The following NLK variants were observed in gnomAD, a reference collection of about 807,000 sequenced individuals.
NLK encodes the protein serine/threonine-protein kinase NLK.
Under a neutral mutation model 59.0 loss-of-function variants are expected in NLK, and 11 were observed. That is an observed-to-expected ratio of 0.19 (90% CI 0.12 to 0.31). NLK has a LOEUF of 0.31. Among genes scored for constraint, NLK ranks in the 10% least tolerant of loss-of-function variants. NLK has a pLI of 1.00. For synonymous variants in NLK, 235 were observed against 235.9 expected, an observed-to-expected ratio of 1.00 and a Z score of 0.03; for missense variants, 410 against 661.1, an observed-to-expected ratio of 0.62 and a Z score of 4.16.
At position 28,108,185 on chromosome 17, in the gene NLK, C is replaced by T. The variant is rs976104458; in HGVS notation, c.459-14418C>T. Among the ~76,000 whole-genome samples the T allele has an allele frequency of 2.6e-5, 4 of 152,096 alleles. No individual in the cohort carries two copies. The East Asian group carries it at 7.7e-4, about 29-fold the overall frequency. On this transcript the variant is annotated intron_variant, in intron 1 of 10. Transcript: ENST00000407008. ...AGAGGTTGTAGCCGAGATCACATCACTGTGCTCCAGCCTGGGCAGCAGAGG... is the reference window on the plus strand; with the variant it reads ...AGAGGTTGTAGCCGAGATCACATCATTGTGCTCCAGCCTGGGCAGCAGAGG...
chr17:28,104,886 G>T (rs907000069), intron 1 of NLK, among the ~76,000 whole-genome samples: 1 of 152,094 alleles, frequency 6.6e-6, no homozygotes, highest in Non-Finnish European at 1.5e-5. Context: ...AGAACAAGTT[G>T]ATGCTGTGCT....
At chr17:28,155,030 C>T (rs549308731) in intron 3 of NLK, among the ~76,000 whole-genome samples, 38 of 152,134 alleles carry the variant, frequency 2.5e-4, no homozygotes, top group Non-Finnish European at 4.7e-4. Context: ...GAGCAAGACT[C>T]CATCTCAAAA....
chr17:28,094,384 C>T (rs1046737433), intron 1 of NLK, among the ~76,000 whole-genome samples: 3 of 152,142 alleles, frequency 2.0e-5, no homozygotes, highest in Non-Finnish European at 2.9e-5. Flanking sequence ...GAAATTACTG[C>T]CATGGATATA....
At chr17:28,124,417 A>G (rs1243792667) in intron 2 of NLK, among the ~76,000 whole-genome samples, 1 of 151,998 alleles carries the variant, frequency 6.6e-6, no homozygotes, top group Non-Finnish European at 1.5e-5. Flanking sequence ...AGTCTCAGCT[A>G]TTTGGGAGGC....
chr17:28,109,043 C>T (rs1007968042), intron 1 of NLK, among the ~76,000 whole-genome samples: 5 of 151,962 alleles, frequency 3.3e-5, no homozygotes, highest in South Asian at 2.1e-4. Context: ...TGGTGGTGGG[C>T]GCCTGTAGTC....
intron 5 of NLK, among the ~76,000 whole-genome samples, chr17:28,164,665 G>C (rs545124987): frequency 6.6e-6 from 1 of 152,096 alleles, no homozygotes; most frequent in Admixed American, 6.5e-5. Context: ...CTTGAATAGA[G>C]AGAGGTCCAC....
At chr17:28,194,338 A>G (rs1436132074) in intron 10 of NLK, among the ~76,000 whole-genome samples, 4 of 152,256 alleles carry the variant, frequency 2.6e-5, no homozygotes, top group Admixed American at 1.3e-4. Context: ...GCTCAGGGCC[A>G]TACAACTAGT....
At chr17:28,145,189 A>G (rs1404107352) in intron 3 of NLK, among the ~76,000 whole-genome samples, 2 of 152,224 alleles carry the variant, frequency 1.3e-5, no homozygotes, top group Non-Finnish European at 2.9e-5. Flanking sequence ...CAAAGAAAAT[A>G]TGATTTGCAT....
intron 3 of NLK, among the ~76,000 whole-genome samples, chr17:28,145,107 T>C (rs1907191457): frequency 6.6e-6 from 1 of 152,210 alleles, no homozygotes; most frequent in Non-Finnish European, 1.5e-5. Flanking sequence ...ATTGATAGTT[T>C]ACATCACTTA....
At chr17:28,181,328 G>A (rs182886070) in intron 7 of NLK, among the ~76,000 whole-genome samples, 115 of 152,232 alleles carry the variant, frequency 7.6e-4, no homozygotes, top group Non-Finnish European at 1.4e-3. Flanking sequence ...CAACCTGGGA[G>A]GTGGAGGTTG....
Position 28,172,509 on chromosome 17 carries a change from C to T in NLK, c.1048-8C>T. ...ATTACTATCTATCTGTATTTTATTT[C>T]CTTGTAGTTGGATTTGATCACGGAT... On this transcript the variant is annotated splice_region_variant and splice_polypyrimidine_tract_variant and intron_variant, in intron 6 of 10. Transcript: ENST00000407008. 6.5e-7 allele frequency: 1 copy of T among 1,549,122 alleles called. No homozygotes were observed. The highest frequency in any genetic ancestry group is 8.7e-7 in the Non-Finnish European group (1 of 1,145,086).
chr17:28,201,043 A>G (rs1041333408), downstream of NLK, among the ~76,000 whole-genome samples: 1 of 152,152 alleles, frequency 6.6e-6, no homozygotes, highest in African/African-American at 2.4e-5. Context: ...ATTCTGTCCC[A>G]TTGACCTAGC....
intron 1 of NLK, among the ~76,000 whole-genome samples, chr17:28,112,332 T>C (rs1411320265): frequency 5.3e-5 from 8 of 152,120 alleles, no homozygotes; most frequent in African/African-American, 1.4e-4. Flanking sequence ...CTTCAAATCA[T>C]GTTAGCTCCC....
intron 1 of NLK, among the ~76,000 whole-genome samples, chr17:28,082,118 G>A (rs1910367473): frequency 6.6e-6 from 1 of 152,120 alleles, no homozygotes; most frequent in Non-Finnish European, 1.5e-5. Context: ...GGCCATGCTA[G>A]TCTCGAACTC....
chr17:28,121,155 A>G (rs944591102), intron 1 of NLK, among the ~76,000 whole-genome samples: 1 of 151,604 alleles, frequency 6.6e-6, no homozygotes, highest in Non-Finnish European at 1.5e-5. Context: ...GGTCTCAGGC[A>G]GTCCTCCTGC....
rs1004965370 is a variant in NLK at position 28,195,526 on chromosome 17, G to A, written c.*890G>A. The A allele has an allele frequency of 1.3e-5, 2 of 151,708 alleles. No individual in the cohort carries two copies. The highest frequency in any genetic ancestry group is 2.9e-5 in the Non-Finnish European group (2 of 67,938). The allele number at this position is 151,708 out of a possible 1,614,324, so 9.4% of individuals were successfully genotyped here. Reference sequence around the variant, plus strand: ...TGTGAGACTTTTCCTGCACTGGACAGTAAAAAAATAATAAAAGACAAAAAC... The same window carrying A: ...TGTGAGACTTTTCCTGCACTGGACAATAAAAAAATAATAAAAGACAAAAAC... On this transcript the variant is annotated 3_prime_UTR_variant, in exon 11 of 11. Transcript: ENST00000407008.
At chr17:28,074,890 C>T (rs375561505) in intron 1 of NLK, among the ~76,000 whole-genome samples, 32 of 152,204 alleles carry the variant, frequency 2.1e-4, no homozygotes, top group African/African-American at 7.7e-4. Flanking sequence ...TGCCAACACC[C>T]GAGGTTGGGA....
intron 1 of NLK, among the ~76,000 whole-genome samples, chr17:28,056,400 G>A (rs930081813): frequency 6.6e-6 from 1 of 152,218 alleles, no homozygotes; most frequent in African/African-American, 2.4e-5. Context: ...CTGGTTGGGG[G>A]CTGAGCCAGA....
chr17:28,204,683 C>T, the NLK span, among the ~76,000 whole-genome samples: 1 of 152,084 alleles, frequency 6.6e-6, no homozygotes, highest in African/African-American at 2.4e-5. Flanking sequence ...AGTAGACAGA[C>T]AATAAACATA....
Sources: allele counts gnomAD v4.1 joint callset (sites outside exome capture counted in the v4.1 genomes callset), GRCh38; gene constraint gnomAD v4.1.1; transcripts MANE v1.5; gene names NCBI Gene and HGNC (gene_info 2026-07-23, HGNC 2026-07-21).